CCDC148: variants seen among roughly 807,000 people sequenced by gnomAD.
The protein encoded by CCDC148 is coiled-coil domain containing 148.
In CCDC148, 89 loss-of-function variants were observed where a neutral mutation model predicts 85.7. The ratio of observed to expected loss-of-function variants is 1.04; its 90% CI spans 0.87 to 1.24. The LOEUF (loss-of-function observed/expected upper bound fraction) is 1.24, where lower values mean the gene tolerates loss of function less well. CCDC148 is among the 50% of genes most tolerant of loss of function. The pLI is 0.00. For synonymous variants in CCDC148, 230 were observed against 213.9 expected (o/e 1.08, Z -0.66); for missense variants, 692 against 671.7 (o/e 1.03, Z -0.33).
chr2:158,316,207 C>T (rs1692275676), intron 7 of CCDC148, among the ~76,000 whole-genome samples: 1 of 152,148 alleles, frequency 6.6e-6, no homozygotes, highest in Non-Finnish European at 1.5e-5. Context: ...TTGTGGCTGT[C>T]CTCAAAGAGA....
intron 1 of CCDC148, among the ~76,000 whole-genome samples, chr2:158,447,843 T>C (rs1688224962): frequency 6.6e-6 from 1 of 152,202 alleles, no homozygotes; most frequent in African/African-American, 2.4e-5. Flanking sequence ...GTTATTTGTC[T>C]TTTCACTTTC....
At chr2:158,365,151 A>G (rs914701576) in intron 1 of CCDC148, among the ~76,000 whole-genome samples, 2 of 152,190 alleles carry the variant, frequency 1.3e-5, no homozygotes, top group Non-Finnish European at 2.9e-5. Context: ...AAAAGTCAGG[A>G]AACAACAGAT....
intron 10 of CCDC148, among the ~76,000 whole-genome samples, chr2:158,224,145 C>A (rs2140023): frequency 0.66 from 99,907 of 152,076 alleles, 34,014 homozygotes; most frequent in East Asian, 0.89. Flanking sequence ...GAGCTGAAAA[C>A]CAAGGCACGA....
At chr2:158,382,856 G>A (rs909084359) in intron 1 of CCDC148, among the ~76,000 whole-genome samples, 5 of 152,056 alleles carry the variant, frequency 3.3e-5, no homozygotes, top group Non-Finnish European at 7.4e-5. Flanking sequence ...GGGAGACAGA[G>A]GTTGCAGTGA....
intron 9 of CCDC148, among the ~76,000 whole-genome samples, chr2:158,297,705 G>T (rs749609445): frequency 6.6e-6 from 1 of 152,146 alleles, no homozygotes; most frequent in Non-Finnish European, 1.5e-5. Context: ...AGAGAAGCAA[G>T]CTCTAGACTA....
intron 1 of CCDC148, among the ~76,000 whole-genome samples, chr2:158,441,563 A>AATATGCTG (rs1184193800): frequency 6.6e-6 from 1 of 152,208 alleles, no homozygotes; most frequent in African/African-American, 2.4e-5. Context: ...TGAGATAAAA[A>AATATGCTG]ATATGCTGAG....
intron 1 of CCDC148, among the ~76,000 whole-genome samples, chr2:158,407,221 T>G (rs1213760327): frequency 6.6e-6 from 1 of 152,152 alleles, no homozygotes; most frequent in African/African-American, 2.4e-5. Context: ...GAATTCTCAT[T>G]TCTAAAACAA....
chr2:158,299,008 G>T (rs1691322809), intron 9 of CCDC148, among the ~76,000 whole-genome samples: 1 of 152,112 alleles, frequency 6.6e-6, no homozygotes, highest in South Asian at 2.1e-4. Flanking sequence ...AGTCAGGAAG[G>T]CACTTAAGTT....
intron 1 of CCDC148, among the ~76,000 whole-genome samples, chr2:158,376,202 C>T (rs1451992014): frequency 6.6e-6 from 1 of 151,994 alleles, no homozygotes; most frequent in East Asian, 1.9e-4. Context: ...AGCAAAATTT[C>T]CTGTCTTAAA....
At chr2:158,300,236 T>C (rs1000352236) in intron 9 of CCDC148, among the ~76,000 whole-genome samples, 1 of 152,032 alleles carries the variant, frequency 6.6e-6, no homozygotes, top group Non-Finnish European at 1.5e-5. Context: ...TGTCAGGAGG[T>C]ATTGAGAAGA....
intron 7 of CCDC148, among the ~76,000 whole-genome samples, chr2:158,317,330 T>C (rs1450480760): frequency 6.6e-6 from 1 of 152,224 alleles, no homozygotes; most frequent in Non-Finnish European, 1.5e-5. Context: ...GCCAAGATTT[T>C]ACAATTTGTA....
At chr2:158,379,984 C>T (rs12620122) in intron 1 of CCDC148, among the ~76,000 whole-genome samples, 63,114 of 151,794 alleles carry the variant, frequency 0.42, 13,668 homozygotes, top group South Asian at 0.61. Context: ...GATGGGGTCT[C>T]ACCATGTTGC....
chr2:158,421,264 C>A (rs1461260996), intron 1 of CCDC148, among the ~76,000 whole-genome samples: 1 of 152,170 alleles, frequency 6.6e-6, no homozygotes, highest in Non-Finnish European at 1.5e-5. Flanking sequence ...GAACTCTCCA[C>A]CCCAAATCAA....
At chr2:158,176,445 A>G in intron 13 of CCDC148, 76 bp downstream of exon 13, 1 of 1,426,070 alleles carries the variant, frequency 7.0e-7, no homozygotes, top group Non-Finnish European at 9.6e-7. Flanking sequence ...AAACTGTTGT[A>G]ACCCCAAACA....
chr2:158,253,173 T>C (rs1688866072), intron 9 of CCDC148, among the ~76,000 whole-genome samples: 1 of 151,778 alleles, frequency 6.6e-6, no homozygotes, highest in Admixed American at 6.6e-5. Context: ...CGTAGTTCCC[T>C]AGTCCATCCA....
intron 9 of CCDC148, among the ~76,000 whole-genome samples, chr2:158,258,238 CTGT>C (rs1689087335): frequency 6.6e-6 from 1 of 151,884 alleles, no homozygotes; most frequent in African/African-American, 2.4e-5. Context: ...ACATTTCTCA[CTGT>C]AAGTCACAGT....
intron 1 of CCDC148, among the ~76,000 whole-genome samples, chr2:158,373,941 C>T (rs1024734430): frequency 1.3e-5 from 2 of 152,032 alleles, no homozygotes; most frequent in Non-Finnish European, 2.9e-5. Flanking sequence ...AAAATAATAT[C>T]TGGTCCCTGT....
chr2:158,396,166 C>T (rs576767552), intron 1 of CCDC148, among the ~76,000 whole-genome samples: 2 of 152,222 alleles, frequency 1.3e-5, no homozygotes, highest in Non-Finnish European at 2.9e-5. Flanking sequence ...TTAACCCTCA[C>T]AGTGTTTTGT....
intron 1 of CCDC148, among the ~76,000 whole-genome samples, chr2:158,443,375 G>A (rs1406186918): frequency 6.6e-6 from 1 of 151,712 alleles, no homozygotes; most frequent in African/African-American, 2.4e-5. Flanking sequence ...GTAGTGGCCT[G>A]TGCCTGTGGT....
Sources: allele counts gnomAD v4.1 joint callset (sites outside exome capture counted in the v4.1 genomes callset), GRCh38; gene constraint gnomAD v4.1.1; transcripts MANE v1.5; gene names NCBI Gene and HGNC (gene_info 2026-07-23, HGNC 2026-07-21).